The following SNX2 variants were observed in gnomAD, a reference collection of about 807,000 sequenced individuals.
SNX2 encodes sorting nexin-2.
In SNX2, 25 loss-of-function variants were observed where a neutral mutation model predicts 69.9. That is an observed-to-expected ratio of 0.36 (90% CI 0.26 to 0.50). The LOEUF (loss-of-function observed/expected upper bound fraction) is 0.50, where lower values mean the gene tolerates loss of function less well. Ranked by LOEUF, SNX2 falls within the 20% of genes least tolerant of loss-of-function variation. The pLI is 0.97. For synonymous variants in SNX2, 229 were observed against 200.4 expected (o/e 1.14, Z -1.20); for missense variants, 551 against 613.3 (o/e 0.90, Z 1.07).
chr5:122,796,202 A>G (rs1753372090), intron 2 of SNX2, among the ~76,000 whole-genome samples: 1 of 152,172 alleles, frequency 6.6e-6, no homozygotes, highest in South Asian at 2.1e-4. Context: ...ACCTTGCTAC[A>G]GTATTGGCAC....
intron 7 of SNX2, among the ~76,000 whole-genome samples, chr5:122,815,337 G>T (rs752008594): frequency 1.3e-5 from 2 of 152,178 alleles, no homozygotes; most frequent in South Asian, 4.1e-4. Context: ...TACCTTTGAA[G>T]AGGTATGGGG....
At chr5:122,787,439 G>C (rs1753113955) in intron 1 of SNX2, among the ~76,000 whole-genome samples, 1 of 152,072 alleles carries the variant, frequency 6.6e-6, no homozygotes, top group Admixed American at 6.6e-5. Context: ...AGAATTGCTT[G>C]AACCTGAGAG....
intron 1 of SNX2, among the ~76,000 whole-genome samples, chr5:122,790,929 G>T (rs1229284368): frequency 6.6e-6 from 1 of 152,148 alleles, no homozygotes; most frequent in Non-Finnish European, 1.5e-5. Flanking sequence ...GGACAACCTT[G>T]TCTTGTTCCT....
intron 6 of SNX2, among the ~76,000 whole-genome samples, chr5:122,804,970 C>T (rs1047836931): frequency 1.3e-5 from 2 of 152,140 alleles, no homozygotes; most frequent in South Asian, 4.2e-4. Context: ...GACGGAGTCT[C>T]GCTTTGCTGC....
At chr5:122,829,535 AT>A in intron 14 of SNX2, 62 bp from the exon 15 acceptor site, 2 of 1,297,730 alleles carry the variant, frequency 1.5e-6, no homozygotes, top group Non-Finnish European at 2.2e-6. Flanking sequence ...GCTGTACAGG[AT>A]ATATGCATAT....
In SNX2 at chr5:122,806,966, A is replaced by G. The variant is rs192773117; in HGVS notation, c.644-1311A>G. Among the ~76,000 whole-genome samples, 3 of 152,252 alleles carry G rather than the reference A, an allele frequency of 2.0e-5. No individual in the cohort carries two copies. The East Asian group carries it at 5.8e-4, about 29-fold the overall frequency. ...TTTTAAAAGGCTTTATTGGAATATA[A>G]TTTACATACCATATAATTCATCCAT... On this transcript the variant is annotated intron_variant, in intron 6 of 14. Transcript: ENST00000379516.
intron 7 of SNX2, among the ~76,000 whole-genome samples, chr5:122,811,880 G>A (rs1753786480): frequency 1.3e-5 from 2 of 149,732 alleles, no homozygotes; most frequent in South Asian, 4.2e-4. Flanking sequence ...TGTCAGGATT[G>A]TGTTCATTTC....
At chr5:122,781,206 A>G (rs1382788780) in intron 1 of SNX2, among the ~76,000 whole-genome samples, 4 of 152,192 alleles carry the variant, frequency 2.6e-5, no homozygotes, top group African/African-American at 9.6e-5. Context: ...GCAACCACTG[A>G]TCTGTTTTCT....
At chr5:122,775,055 G>GT, upstream of SNX2, 1 of 1,534,810 alleles carries the variant, frequency 6.5e-7, no homozygotes, top group Non-Finnish European at 8.8e-7. Context: ...GCGTGCTCAC[G>GT]TGACGGGTCC....
intron 7 of SNX2, among the ~76,000 whole-genome samples, chr5:122,814,037 C>T (rs1199699063): frequency 6.6e-6 from 1 of 152,104 alleles, no homozygotes; most frequent in Non-Finnish European, 1.5e-5. Context: ...GCAGGGATTA[C>T]AGGCATGAGC....
At chr5:122,785,877 C>A (rs1025284361) in intron 1 of SNX2, among the ~76,000 whole-genome samples, 46 of 152,238 alleles carry the variant, frequency 3.0e-4, no homozygotes, top group African/African-American at 1.1e-3. Context: ...GAGTGTCGTA[C>A]AAATGTTAGG....
intron 14 of SNX2, among the ~76,000 whole-genome samples, chr5:122,829,111 C>G (rs1754223126): frequency 6.6e-6 from 1 of 152,084 alleles, no homozygotes; most frequent in African/African-American, 2.4e-5. Context: ...GAGTGAAACT[C>G]CACCTCAAGA....
At position 122,831,458 on chromosome 5, in the gene SNX2, A is replaced by C. The variant is rs1386856921; in HGVS notation, c.*1810A>C. 6.6e-6 allele frequency among the ~76,000 whole-genome samples: 1 copy of C among 152,174 alleles called. No homozygotes were observed. The highest frequency in any genetic ancestry group is 1.5e-5 in the Non-Finnish European group (1 of 68,044). ...TGTGAATACCCACTAACCTACAGCC[A>C]GCCTGGACAACATAGTGAGACCCTG... On this transcript the variant is annotated 3_prime_UTR_variant, in exon 15 of 15. Transcript: ENST00000379516.
In SNX2 at chr5:122,824,321, T is replaced by C. The variant is rs150876442; in HGVS notation, c.1213-1729T>C. Among the ~76,000 whole-genome samples, 543 of 152,246 alleles carry C rather than the reference T, an allele frequency of 3.6e-3. 5 individuals carry two copies. The highest frequency in any genetic ancestry group is 0.012 in the African/African-American group (516 of 41,550). ...GTGGCCCAAGACAATTCTTCTTCCA[T>C]TGTGGCCCAGGGAAGCCAAAGCATT... On this transcript the variant is annotated intron_variant, in intron 11 of 14. Transcript: ENST00000379516.
At chr5:122,811,850 T>TAAAAAAAA (rs1554063577) in intron 7 of SNX2, among the ~76,000 whole-genome samples, 10 of 150,900 alleles carry the variant, frequency 6.6e-5, no homozygotes, top group Non-Finnish European at 1.3e-4. Context: ...AATAAATAAA[T>TAAAAAAAA]AAATAAATAA....
chr5:122,821,041 C>A (rs1316745264), intron 11 of SNX2, among the ~76,000 whole-genome samples: 1 of 152,128 alleles, frequency 6.6e-6, no homozygotes, highest in Non-Finnish European at 1.5e-5. Flanking sequence ...TCTACTGAAA[C>A]CTAGCCCAGA....
chr5:122,810,177 C>T (rs1753737626), intron 7 of SNX2, among the ~76,000 whole-genome samples: 1 of 150,664 alleles, frequency 6.6e-6, no homozygotes, highest in Non-Finnish European at 1.5e-5. Flanking sequence ...GCAAGATGTG[C>T]TTTGTTAAAC....
chr5:122,803,791 A>G, intron 6 of SNX2, 178 bp downstream of exon 6: 1 of 507,548 alleles, frequency 2.0e-6, no homozygotes, highest in East Asian at 3.3e-5. Context: ...TATTGGTAAT[A>G]GTTTTATTTT....
chr5:122,793,085 A>G (rs534207103), intron 1 of SNX2, among the ~76,000 whole-genome samples: 3 of 152,324 alleles, frequency 2.0e-5, no homozygotes, highest in South Asian at 2.1e-4. Flanking sequence ...AAAGCTGAAC[A>G]TTCATCTACC....
Sources: allele counts gnomAD v4.1 joint callset (sites outside exome capture counted in the v4.1 genomes callset), GRCh38; gene constraint gnomAD v4.1.1; transcripts MANE v1.5; gene names NCBI Gene and HGNC (gene_info 2026-07-23, HGNC 2026-07-21).